The following NLGN1 variants were observed in gnomAD, a reference collection of about 807,000 sequenced individuals.
NLGN1 encodes neuroligin 1, also known as neuroligin-1.
A neutral mutation model predicts 65.5 loss-of-function variants in NLGN1; 12 were observed. That is an observed-to-expected ratio of 0.18 (90% CI 0.12 to 0.30). The LOEUF (loss-of-function observed/expected upper bound fraction) is 0.30, where lower values mean the gene tolerates loss of function less well. Among genes scored for constraint, NLGN1 ranks in the 10% least tolerant of loss-of-function variants. The probability of loss-of-function intolerance (pLI) is 1.00; values close to 1 mark genes in which losing one functional copy is unlikely to be tolerated. For missense variants in NLGN1, 750 were observed against 1,007.1 expected, an observed-to-expected ratio of 0.74 and a Z score of 3.46; for synonymous variants, 350 against 359.5, an observed-to-expected ratio of 0.97 and a Z score of 0.30.
intron 4 of NLGN1, chr3:173,914,756 A>AG (rs1740396955): frequency 6.6e-6 from 1 of 152,186 alleles, no homozygotes; most frequent in Non-Finnish European, 1.5e-5. Flanking sequence ...GGTTGAGCGG[A>AG]GTAACGATTT....
chr3:173,521,746 A>G (rs1218391628), intron 2 of NLGN1, among the ~76,000 whole-genome samples: 1 of 152,224 alleles, frequency 6.6e-6, no homozygotes, highest in Non-Finnish European at 1.5e-5. Context: ...TGTTCTAAAC[A>G]CTTTACATAC....
chr3:173,935,370 G>T (rs1238514978), intron 4 of NLGN1, among the ~76,000 whole-genome samples: 1 of 151,934 alleles, frequency 6.6e-6, no homozygotes, highest in African/African-American at 2.4e-5. Flanking sequence ...TTAAAATCTT[G>T]TAATGAGAAT....
intron 3 of NLGN1, among the ~76,000 whole-genome samples, chr3:173,719,104 C>G (rs962405058): frequency 6.6e-6 from 1 of 152,142 alleles, no homozygotes; most frequent in African/African-American, 2.4e-5. Context: ...CAAAGCAAAG[C>G]ACTATTCCAG....
At chr3:174,260,895 C>G (rs1399261333) in intron 4 of NLGN1, among the ~76,000 whole-genome samples, 1 of 147,892 alleles carries the variant, frequency 6.8e-6, no homozygotes, top group Non-Finnish European at 1.5e-5. Flanking sequence ...TTTCAGCTTT[C>G]TACATATGGC....
chr3:174,115,214 G>T (rs1439606853), intron 4 of NLGN1, among the ~76,000 whole-genome samples: 2 of 152,146 alleles, frequency 1.3e-5, no homozygotes, highest in Admixed American at 1.3e-4. Context: ...TTGTACAGCT[G>T]CTGGTTATCC....
chr3:174,028,238 C>T (rs1298277626), intron 4 of NLGN1, among the ~76,000 whole-genome samples: 1 of 152,098 alleles, frequency 6.6e-6, no homozygotes, highest in Non-Finnish European at 1.5e-5. Context: ...GGGTAACAGG[C>T]AGATGTTGAA....
chr3:173,556,738 A>T (rs1007355422), intron 2 of NLGN1, among the ~76,000 whole-genome samples: 1 of 152,104 alleles, frequency 6.6e-6, no homozygotes, highest in Non-Finnish European at 1.5e-5. Context: ...TAGGATGTCA[A>T]GGTTGCCTTG....
At chr3:173,731,862 A>C (rs565228793) in intron 3 of NLGN1, among the ~76,000 whole-genome samples, 1 of 152,210 alleles carries the variant, frequency 6.6e-6, no homozygotes, top group South Asian at 2.1e-4. Flanking sequence ...AAAAATTAAA[A>C]AGACATTTTT....
exon 7 of NLGN1, chr3:174,282,849 AG>A (rs745345556): frequency 4.6e-5 from 7 of 152,050 alleles, no homozygotes; most frequent in African/African-American, 4.8e-5. Context: ...CAATTTTGAT[AG>A]TTTATAAGAT....
At chr3:173,617,676 A>G (rs925793905) in intron 3 of NLGN1, among the ~76,000 whole-genome samples, 2 of 152,216 alleles carry the variant, frequency 1.3e-5, no homozygotes, top group African/African-American at 2.4e-5. Context: ...CTCGAGGCCA[A>G]GTGGCTGCCA....
At position 173,661,486 on chromosome 3, in the gene NLGN1, A is replaced by G. The variant is rs533373601; in HGVS notation, c.493+56395A>G. 2.5e-4 allele frequency among the ~76,000 whole-genome samples: 38 copies of G among 152,130 alleles called. 2 individuals are homozygous for G. Among genetic ancestry groups the G allele is most frequent in the African/African-American group, 8.4e-4 (35 of 41,564 alleles). On this transcript the variant is annotated intron_variant, in intron 3 of 6. Transcript: ENST00000457714. ...AAGCCTCCCAAATTGTGGTAAAGGT[A>G]CCTAGTTATTATTACACCACATAGT...
At chr3:173,699,486 G>A (rs572278721) in intron 3 of NLGN1, among the ~76,000 whole-genome samples, 2 of 152,264 alleles carry the variant, frequency 1.3e-5, no homozygotes, top group African/African-American at 4.8e-5. Context: ...GATTTTTCCA[G>A]GACAGCAGTA....
At chr3:173,555,086 C>T (rs755865427) in intron 2 of NLGN1, among the ~76,000 whole-genome samples, 1 of 152,060 alleles carries the variant, frequency 6.6e-6, no homozygotes, top group Non-Finnish European at 1.5e-5. Context: ...AATATTTGCC[C>T]ATTTTTATTG....
chr3:173,528,456 C>CAGA (rs2149170128), intron 2 of NLGN1, among the ~76,000 whole-genome samples: 1 of 152,156 alleles, frequency 6.6e-6, no homozygotes, highest in Admixed American at 6.5e-5. Flanking sequence ...GTTGTTTTCT[C>CAGA]AGTTTATTGT....
intron 4 of NLGN1, among the ~76,000 whole-genome samples, chr3:174,189,817 G>A (rs1732056449): frequency 6.6e-6 from 1 of 151,918 alleles, no homozygotes; most frequent in Non-Finnish European, 1.5e-5. Context: ...GGATAAAACA[G>A]CAACAGTATA....
intron 3 of NLGN1, among the ~76,000 whole-genome samples, chr3:173,613,652 A>G (rs1240036953): frequency 1.3e-5 from 2 of 152,068 alleles, no homozygotes; most frequent in Non-Finnish European, 2.9e-5. Context: ...TCCATTTGTT[A>G]CTTTAGGGAA....
intron 2 of NLGN1, among the ~76,000 whole-genome samples, chr3:173,602,066 T>C (rs76473907): frequency 0.027 from 4,151 of 152,146 alleles, 86 homozygotes; most frequent in Middle Eastern, 0.041. Context: ...CTGGATCTGC[T>C]ACTAATTAGC....
intron 4 of NLGN1, among the ~76,000 whole-genome samples, chr3:174,111,100 T>C (rs570265875): frequency 2.6e-5 from 4 of 152,124 alleles, no homozygotes; most frequent in Non-Finnish European, 5.9e-5. Flanking sequence ...CCAAAAAAGG[T>C]ATCTTAAAGA....
At chr3:173,813,024 T>C (rs1395457138) in intron 4 of NLGN1, among the ~76,000 whole-genome samples, 2 of 151,482 alleles carry the variant, frequency 1.3e-5, no homozygotes, top group African/African-American at 4.8e-5. Flanking sequence ...ATGAATAGAT[T>C]CACTTGATAT....
Sources: allele counts gnomAD v4.1 joint callset (sites outside exome capture counted in the v4.1 genomes callset), GRCh38; gene constraint gnomAD v4.1.1; transcripts MANE v1.5; gene names NCBI Gene and HGNC (gene_info 2026-07-23, HGNC 2026-07-21).